Variants in AUTS2 observed in about 807,000 individuals in gnomAD.
AUTS2 encodes autism susceptibility gene 2 protein.
A neutral mutation model predicts 112.4 loss-of-function variants in AUTS2; 17 were observed. The ratio of observed to expected loss-of-function variants is 0.15; its 90% CI spans 0.10 to 0.23. The LOEUF (loss-of-function observed/expected upper bound fraction) is 0.23, where lower values mean the gene tolerates loss of function less well. AUTS2 is among the 10% of genes least tolerant of loss of function. The probability of loss-of-function intolerance (pLI) is 1.00; values close to 1 mark genes in which losing one functional copy is unlikely to be tolerated. For missense variants in AUTS2, 1,510 were observed against 1,701.6 expected, an observed-to-expected ratio of 0.89 and a Z score of 1.98; for synonymous variants, 751 against 702.7, an observed-to-expected ratio of 1.07 and a Z score of -1.09.
intron 4 of AUTS2, among the ~76,000 whole-genome samples, chr7:70,263,827 A>G (rs1787282839): frequency 6.6e-6 from 1 of 152,222 alleles, no homozygotes; most frequent in Non-Finnish European, 1.5e-5. Context: ...CAGTGGCAAT[A>G]CTGAAAACGA....
chr7:70,771,381 A>G, intron 10 of AUTS2, 168 bp from the exon 11 acceptor site: 1 of 489,812 alleles, frequency 2.0e-6, no homozygotes, highest in East Asian at 3.0e-5. Context: ...TAAGTTACAC[A>G]TTCGTGGCAC....
At chr7:69,946,488 A>G (rs1226191777) in intron 2 of AUTS2, among the ~76,000 whole-genome samples, 2 of 151,898 alleles carry the variant, frequency 1.3e-5, no homozygotes, top group Admixed American at 1.3e-4. Flanking sequence ...ATTATTCATA[A>G]TAGTCAAGAC....
chr7:70,362,369 T>G (rs939522444), intron 4 of AUTS2, among the ~76,000 whole-genome samples: 7 of 152,112 alleles, frequency 4.6e-5, no homozygotes, highest in African/African-American at 1.7e-4. Context: ...TGTTCTTCCC[T>G]GTCAGGGAAG....
At chr7:70,293,168 T>C (rs1184127178) in intron 4 of AUTS2, 1 of 152,180 alleles carries the variant, frequency 6.6e-6, no homozygotes, top group Non-Finnish European at 1.5e-5. Flanking sequence ...AGACTGAGTC[T>C]CTCAAGGGTA....
At chr7:69,744,117 A>G (rs1465649249) in intron 1 of AUTS2, among the ~76,000 whole-genome samples, 3 of 152,118 alleles carry the variant, frequency 2.0e-5, no homozygotes, top group African/African-American at 4.8e-5. Flanking sequence ...TCTGAGGTTC[A>G]TTCATGTTGG....
At chr7:69,602,060 G>A (rs62457180) in intron 1 of AUTS2, among the ~76,000 whole-genome samples, 342 of 12,768 alleles carry the variant, frequency 0.027, 7 homozygotes, top group East Asian at 0.15. Flanking sequence ...GTGTGTGTGT[G>A]TGTGTGTGTG....
chr7:69,915,053 G>A (rs190317843), intron 2 of AUTS2, among the ~76,000 whole-genome samples: 1 of 152,242 alleles, frequency 6.6e-6, no homozygotes, highest in East Asian at 1.9e-4. Flanking sequence ...ATGTGTTTAT[G>A]GCTTGCTAGA....
chr7:70,115,667 G>C (rs907683214), intron 2 of AUTS2, among the ~76,000 whole-genome samples: 1 of 152,228 alleles, frequency 6.6e-6, no homozygotes, highest in Non-Finnish European at 1.5e-5. Flanking sequence ...CTTGGAGGTA[G>C]TTCTACCTGC....
chr7:70,518,497 A>G, intron 5 of AUTS2, among the ~76,000 whole-genome samples: 1 of 152,050 alleles, frequency 6.6e-6, no homozygotes, highest in Non-Finnish European at 1.5e-5. Flanking sequence ...CCTGGCTAAC[A>G]CGGTGAAACC....
At chr7:69,897,899 C>T (rs964888176) in intron 1 of AUTS2, among the ~76,000 whole-genome samples, 5 of 151,976 alleles carry the variant, frequency 3.3e-5, no homozygotes, top group African/African-American at 9.7e-5. Context: ...GATATTGCAG[C>T]AGAACAGTGA....
At position 70,322,213 on chromosome 7, in the gene AUTS2, A is replaced by T. The variant is rs181929853; in HGVS notation, c.661-113539A>T. Among the ~76,000 whole-genome samples, 226 of 152,280 alleles carry T rather than the reference A, an allele frequency of 1.5e-3. 1 individual carries two copies. The highest frequency in any genetic ancestry group is 4.6e-3 in the African/African-American group (190 of 41,556). On this transcript the variant is annotated intron_variant, in intron 4 of 18. Transcript: ENST00000342771. ...ATTCTTTATAGGCATAATTTTTATAAATTAAAATACATTATAGTATATTTA... is the reference window on the plus strand; with the variant it reads ...ATTCTTTATAGGCATAATTTTTATATATTAAAATACATTATAGTATATTTA...
chr7:70,281,115 G>T (rs751401828), intron 4 of AUTS2, among the ~76,000 whole-genome samples: 1 of 151,974 alleles, frequency 6.6e-6, no homozygotes, highest in Non-Finnish European at 1.5e-5. Flanking sequence ...ATGGATATCG[G>T]GGTAAACATC....
intron 1 of AUTS2, among the ~76,000 whole-genome samples, chr7:69,763,193 T>C (rs994634620): frequency 1.3e-5 from 2 of 152,228 alleles, no homozygotes; most frequent in African/African-American, 4.8e-5. Context: ...TTTAATTGCC[T>C]CAGCATAGTT....
intron 2 of AUTS2, among the ~76,000 whole-genome samples, chr7:69,993,772 C>T (rs1056247544): frequency 1.8e-4 from 27 of 151,636 alleles, no homozygotes; most frequent in Non-Finnish European, 3.7e-4. Flanking sequence ...TGTCTCTCTC[C>T]CTCTCTCTCT....
In AUTS2 at chr7:70,639,515, T is replaced by C. The variant is rs190259273; in HGVS notation, c.691-59054T>C. ...CCTGTGGTCTCAGCTACTGGGGGGG[T>C]GGTGAGGCAGGAGGATTGCTTAACC... On this transcript the variant is annotated intron_variant, in intron 5 of 18. Coordinates refer to ENST00000342771, the MANE Select transcript of AUTS2 (RefSeq NM_015570.4). 1.5e-3 allele frequency among the ~76,000 whole-genome samples: 205 copies of C among 135,716 alleles called. 3 individuals carry two copies. The highest frequency in any genetic ancestry group is 5.5e-3 in the African/African-American group (194 of 35,308). The allele number at this position is 135,716 out of a possible 152,430, so 89.0% of individuals were successfully genotyped here.
chr7:69,846,098 A>T (rs1210919538), intron 1 of AUTS2, among the ~76,000 whole-genome samples: 3 of 147,132 alleles, frequency 2.0e-5, no homozygotes, highest in Non-Finnish European at 3.0e-5. Flanking sequence ...TTTATTTGGG[A>T]TTTTTTTTTT....
intron 5 of AUTS2, among the ~76,000 whole-genome samples, chr7:70,457,939 G>A (rs1278163888): frequency 6.6e-6 from 1 of 152,152 alleles, no homozygotes; most frequent in Non-Finnish European, 1.5e-5. Flanking sequence ...CTGGACTTGT[G>A]TGTCCTCCTC....
At chr7:69,973,140 A>G (rs1032026719) in intron 2 of AUTS2, among the ~76,000 whole-genome samples, 2 of 152,086 alleles carry the variant, frequency 1.3e-5, no homozygotes, top group Non-Finnish European at 2.9e-5. Flanking sequence ...TGTAGTTTTC[A>G]GCATACAAGT....
At chr7:69,901,218 T>A (rs1794956420) in intron 2 of AUTS2, among the ~76,000 whole-genome samples, 1 of 152,144 alleles carries the variant, frequency 6.6e-6, no homozygotes, top group Non-Finnish European at 1.5e-5. Context: ...TGCCTCTGTG[T>A]GAGATATGTG....
Sources: allele counts gnomAD v4.1 joint callset (sites outside exome capture counted in the v4.1 genomes callset), GRCh38; gene constraint gnomAD v4.1.1; transcripts MANE v1.5; gene names NCBI Gene and HGNC (gene_info 2026-07-23, HGNC 2026-07-21).